The following GRAMD2B variants were observed in gnomAD, a reference collection of about 807,000 sequenced individuals.
GRAMD2B encodes the protein GRAM domain containing 2B, also known as GRAM domain-containing protein 2B.
GRAMD2B carries 41 observed loss-of-function variants against 59.2 expected under a neutral mutation model. The observed-to-expected ratio is 0.69, with a 90% CI of 0.54 to 0.90. The LOEUF is 0.90. Among genes scored for constraint, GRAMD2B ranks in the 40% least tolerant of loss-of-function variants. The pLI, the probability that GRAMD2B is intolerant of heterozygous loss-of-function variation, is 0.00. For synonymous variants in GRAMD2B, 161 were observed against 182.7 expected, an observed-to-expected ratio of 0.88 and a Z score of 0.96; for missense variants, 424 against 500.5, an observed-to-expected ratio of 0.85 and a Z score of 1.46.
rs368924954 is a variant in GRAMD2B, at chr5:126,470,395, C to T, written c.315+607C>T. ...TCCTAAGAGCTAAACCAAAAACCAT[C>T]GGCACACCCAAGAAATTTAAATATG... On this transcript the variant is annotated intron_variant, in intron 3 of 13. Coordinates refer to ENST00000285689, the MANE Select transcript of GRAMD2B (RefSeq NM_023927.4). 4.6e-5 allele frequency among the ~76,000 whole-genome samples: 7 copies of T among 152,004 alleles called. No homozygotes were observed. The East Asian group carries it at 7.7e-4, about 17-fold the overall frequency.
At chr5:126,462,488 C>T (rs935331271) in intron 1 of GRAMD2B, 3 of 978,440 alleles carry the variant, frequency 3.1e-6, no homozygotes, top group African/African-American at 3.5e-5. Context: ...GAGGAATTAA[C>T]TTGCTTGAGC....
At chr5:126,374,337 T>A (rs1313726772) in intron 1 of GRAMD2B, among the ~76,000 whole-genome samples, 4 of 152,208 alleles carry the variant, frequency 2.6e-5, no homozygotes, top group Admixed American at 6.5e-5. Flanking sequence ...TTTCAACATG[T>A]TTAGTGGTCT....
intron 13 of GRAMD2B, chr5:126,490,327 T>C (rs1773684632): frequency 7.3e-6 from 1 of 137,676 alleles, no homozygotes; most frequent in African/African-American, 2.7e-5. Flanking sequence ...CCGCCTTCTT[T>C]TGTGTTTCTT....
At chr5:126,466,430 C>CT (rs111776730) in intron 2 of GRAMD2B, 37,814 of 544,188 alleles carry the variant, frequency 0.069, no homozygotes, top group South Asian at 0.1. Context: ...GGCATCTCAC[C>CT]TTTTTTTTTT....
At chr5:126,403,522 G>A (rs1758003148) in intron 1 of GRAMD2B, among the ~76,000 whole-genome samples, 1 of 151,832 alleles carries the variant, frequency 6.6e-6, no homozygotes, top group African/African-American at 2.4e-5. Flanking sequence ...ACTCGTAATA[G>A]GTACTAGAAA....
intron 1 of GRAMD2B, among the ~76,000 whole-genome samples, chr5:126,379,163 T>G (rs1755450351): frequency 6.6e-6 from 1 of 152,178 alleles, no homozygotes; most frequent in Non-Finnish European, 1.5e-5. Flanking sequence ...GATATTTGAT[T>G]TTCCATTCCG....
intron 1 of GRAMD2B, among the ~76,000 whole-genome samples, chr5:126,402,898 T>C (rs1469760714): frequency 6.6e-6 from 1 of 152,048 alleles, no homozygotes; most frequent in Non-Finnish European, 1.5e-5. Context: ...AAATTCAGAA[T>C]TTGTTCTAGA....
At chr5:126,411,586 C>T (rs1758795691) in intron 1 of GRAMD2B, among the ~76,000 whole-genome samples, 1 of 151,788 alleles carries the variant, frequency 6.6e-6, no homozygotes. Context: ...GGCTATTTAG[C>T]CTCTTTTTTG....
chr5:126,487,360 A>G (rs1448433307), intron 12 of GRAMD2B, among the ~76,000 whole-genome samples: 1 of 152,184 alleles, frequency 6.6e-6, no homozygotes, highest in African/African-American at 2.4e-5. Context: ...ACATTTTATC[A>G]TGTATAACTT....
At chr5:126,366,556 A>C (rs766435050), upstream of GRAMD2B, among the ~76,000 whole-genome samples, 1 of 152,218 alleles carries the variant, frequency 6.6e-6, no homozygotes, top group Non-Finnish European at 1.5e-5. Context: ...TATTATATCA[A>C]GTCCTCCAAA....
At chr5:126,470,476 C>T (rs1769335569) in intron 3 of GRAMD2B, among the ~76,000 whole-genome samples, 1 of 151,966 alleles carries the variant, frequency 6.6e-6, no homozygotes, top group East Asian at 1.9e-4. Flanking sequence ...CATAGTAGTC[C>T]CAGTAATAAA....
intron 1 of GRAMD2B, chr5:126,462,320 AG>A: frequency 1.6e-6 from 1 of 632,360 alleles, no homozygotes; most frequent in South Asian, 6.9e-5. Context: ...GTAACTTAAA[AG>A]TTTCCAAAAG....
At position 126,490,641 on chromosome 5, in the gene GRAMD2B, C is replaced by T. The variant is rs553505223; in HGVS notation, c.1257+1749C>T. Among the ~76,000 whole-genome samples, 159 of 152,318 alleles carry T rather than the reference C, an allele frequency of 1.0e-3. 2 individuals carry two copies. The highest frequency in any genetic ancestry group is 3.7e-3 in the African/African-American group (152 of 41,568). ...TAAAAAAGAGGTACCAGGCCACACC[C>T]GTGCTCTTTTTGATTCATCTGCACC... On this transcript the variant is annotated intron_variant, in intron 13 of 13. Transcript: ENST00000285689.
At chr5:126,398,930 A>G (rs1241512065) in intron 1 of GRAMD2B, among the ~76,000 whole-genome samples, 1 of 152,144 alleles carries the variant, frequency 6.6e-6, no homozygotes, top group East Asian at 1.9e-4. Context: ...TGTTATCTCT[A>G]GTTTCATTCC....
intron 1 of GRAMD2B, among the ~76,000 whole-genome samples, chr5:126,371,921 G>A (rs903719704): frequency 6.6e-6 from 1 of 151,960 alleles, no homozygotes; most frequent in Non-Finnish European, 1.5e-5. Context: ...ATCGACTTTG[G>A]TATCAAAATT....
At chr5:126,424,696 A>C (rs4836256) in intron 1 of GRAMD2B, among the ~76,000 whole-genome samples, 1 of 152,116 alleles carries the variant, frequency 6.6e-6, no homozygotes, top group African/African-American at 2.4e-5. Flanking sequence ...ACCCATGTAG[A>C]CCTCATCACC....
At chr5:126,382,019 A>T (rs1481708241) in intron 1 of GRAMD2B, among the ~76,000 whole-genome samples, 3 of 151,538 alleles carry the variant, frequency 2.0e-5, no homozygotes, top group Non-Finnish European at 4.4e-5. Flanking sequence ...TAAAGATAGG[A>T]CTCCCTTCTA....
chr5:126,387,475 A>G (rs904475559), intron 1 of GRAMD2B, among the ~76,000 whole-genome samples: 4 of 151,746 alleles, frequency 2.6e-5, no homozygotes, highest in Non-Finnish European at 4.4e-5. Flanking sequence ...TAAAGACACT[A>G]AGAGAAGATG....
At chr5:126,404,785 C>T (rs1025623671) in intron 1 of GRAMD2B, among the ~76,000 whole-genome samples, 6 of 151,696 alleles carry the variant, frequency 4.0e-5, no homozygotes, top group African/African-American at 1.5e-4. Flanking sequence ...GTATAAGACA[C>T]CATCTCCATG....
Sources: allele counts gnomAD v4.1 joint callset (sites outside exome capture counted in the v4.1 genomes callset), GRCh38; gene constraint gnomAD v4.1.1; transcripts MANE v1.5; gene names NCBI Gene and HGNC (gene_info 2026-07-23, HGNC 2026-07-21).